DDX27: variants seen among roughly 807,000 people sequenced by gnomAD.
The protein encoded by DDX27 is probable ATP-dependent RNA helicase DDX27.
A neutral mutation model predicts 99.3 loss-of-function variants in DDX27; 42 were observed. The observed-to-expected ratio is 0.42, with a 90% CI of 0.33 to 0.55. The LOEUF (loss-of-function observed/expected upper bound fraction) is 0.55, where lower values mean the gene tolerates loss of function less well. Ranked by LOEUF, DDX27 falls within the 20% of genes least tolerant of loss-of-function variation. DDX27 has a pLI of 0.07. For missense variants in DDX27, 798 were observed against 976.8 expected (o/e 0.82, Z 2.44); for synonymous variants, 329 against 353.8 (o/e 0.93, Z 0.79).
chr20:49,238,790 T>TTTTA, intron 14 of DDX27, 159 bp from the exon 15 acceptor site: 1 of 156,556 alleles, frequency 6.4e-6, no homozygotes, highest in Non-Finnish European at 1.1e-5. Flanking sequence ...TTTTTTTTTT[T>TTTTA]GTAGAGACAG....
intron 2 of DDX27, among the ~76,000 whole-genome samples, chr20:49,222,583 C>T (rs55670142): frequency 0.012 from 1,837 of 151,734 alleles, 36 homozygotes; most frequent in African/African-American, 0.042. Context: ...GGCGTGATCT[C>T]GGCTCACTGC....
intron 6 of DDX27, among the ~76,000 whole-genome samples, chr20:49,225,974 C>T (rs1034270412): frequency 6.6e-6 from 1 of 152,160 alleles, no homozygotes; most frequent in African/African-American, 2.4e-5. Context: ...CCTCCTCTTC[C>T]TCAGGGCCCT....
At chr20:49,226,568 GGGTGTT>G in intron 7 of DDX27, 33 bp downstream of exon 7, 1 of 1,547,110 alleles carries the variant, frequency 6.5e-7, no homozygotes, top group Non-Finnish European at 8.9e-7. Flanking sequence ...GTGGGCAGAA[GGGTGTT>G]ACGGCCAGGG....
chr20:49,226,857 CTTTTTTT>C (rs36048579), intron 7 of DDX27, among the ~76,000 whole-genome samples: 5 of 63,460 alleles, frequency 7.9e-5, no homozygotes, highest in East Asian at 4.8e-4. Flanking sequence ...GAGTAAAGGA[CTTTTTTT>C]TTTTTTTTTT....
chr20:49,230,916 G>A (rs1323739963), intron 9 of DDX27: 1 of 152,668 alleles, frequency 6.6e-6, no homozygotes, highest in African/African-American at 2.4e-5. Flanking sequence ...GCATGCTAAG[G>A]TTGCAGGCCC....
chr20:49,224,496 G>A (rs780706655), intron 4 of DDX27, among the ~76,000 whole-genome samples: 1 of 151,650 alleles, frequency 6.6e-6, no homozygotes, highest in Non-Finnish European at 1.5e-5. Context: ...CCAAGTAGCT[G>A]GGACTACAGG....
At chr20:49,226,606 C>A in intron 7 of DDX27, 71 bp downstream of exon 7, 3 of 1,068,690 alleles carry the variant, frequency 2.8e-6, no homozygotes, top group Non-Finnish European at 4.1e-6. Context: ...GTTGACTTAC[C>A]AAAGGCTGGT....
intron 6 of DDX27, among the ~76,000 whole-genome samples, chr20:49,225,831 C>T (rs1050996502): frequency 6.6e-6 from 1 of 152,156 alleles, no homozygotes; most frequent in Admixed American, 6.6e-5. Flanking sequence ...CCCAGTCTCA[C>T]TCTTCTTAGA....
chr20:49,241,683 G>A (rs975384938), intron 16 of DDX27: 1 of 615,594 alleles, frequency 1.6e-6, no homozygotes, highest in African/African-American at 1.9e-5. Context: ...TGGCCATGCT[G>A]ATCCCAAACT....
At chr20:49,223,501 A>G in intron 4 of DDX27, 68 bp downstream of exon 4, 1 of 1,448,296 alleles carries the variant, frequency 6.9e-7, no homozygotes, top group Non-Finnish European at 9.4e-7. Context: ...TTTACTTTGT[A>G]GGGTTTCCTC....
intron 8 of DDX27, 136 bp from the exon 9 acceptor site, chr20:49,230,063 G>T: frequency 1.0e-6 from 1 of 963,174 alleles, no homozygotes; most frequent in Non-Finnish European, 1.5e-6. Flanking sequence ...AAACCCATGT[G>T]CTTGGGCCTT....
chr20:49,225,248 A>G (rs60294733), intron 6 of DDX27, 49 bp downstream of exon 6: 27 of 1,436,684 alleles, frequency 1.9e-5, no homozygotes, highest in African/African-American at 8.4e-5. Flanking sequence ...TGGTCTTGCT[A>G]TGTTGTCCAA....
intron 18 of DDX27, 112 bp from the exon 19 acceptor site, chr20:49,242,482 G>T: frequency 8.7e-7 from 1 of 1,148,216 alleles, no homozygotes; most frequent in South Asian, 1.4e-5. Context: ...AATGAAAATA[G>T]TCTTTGGATG....
chr20:49,233,984 T>C (rs1244798589), intron 11 of DDX27: 1 of 379,194 alleles, frequency 2.6e-6, no homozygotes, highest in Non-Finnish European at 4.9e-6. Context: ...ACCACTGTTC[T>C]CTGTCGCCTG....
At chr20:49,221,672 C>T (rs1447799336) in intron 2 of DDX27, 74 bp downstream of exon 2, 3 of 1,304,860 alleles carry the variant, frequency 2.3e-6, no homozygotes, top group Non-Finnish European at 3.1e-6. Flanking sequence ...GGGCCTAGCC[C>T]TGACCTGACT....
chr20:49,226,313 G>GA (rs1245827317), intron 6 of DDX27, 117 bp from the exon 7 acceptor site: 5 of 660,118 alleles, frequency 7.6e-6, no homozygotes, highest in Non-Finnish European at 1.3e-5. Context: ...AATGTTTGTG[G>GA]AACGAATGAT....
intron 6 of DDX27, among the ~76,000 whole-genome samples, chr20:49,226,174 C>A (rs1718371172): frequency 6.6e-6 from 1 of 152,158 alleles, no homozygotes; most frequent in Non-Finnish European, 1.5e-5. Flanking sequence ...CTCCATATGA[C>A]ATGTGTTTGT....
chr20:49,242,301 G>A (rs1980505901), intron 18 of DDX27, 95 bp downstream of exon 18: 4 of 1,537,182 alleles, frequency 2.6e-6, no homozygotes, highest in Non-Finnish European at 3.5e-6. Context: ...GATGACAGTA[G>A]CCCACATTAT....
At position 49,221,457 on chromosome 20, in the gene DDX27, C is replaced by G. The variant is rs1370749628; in HGVS notation, c.99C>G (p.Pro33=). ...CTGTCTCTTACTCTTCCCAGGGGCC[C>G]ATTGTGCTGGGCAGACGACAAAAAG... ...SDSGDEEEEG[P]IVLGRRQKAL... The change falls in exon 2 of 21, where the codon CCC becomes CCG. Residue 33 remains proline, a synonymous_variant. Coordinates refer to ENST00000618172, the MANE Select transcript of DDX27 (RefSeq NM_017895.8). 2 of 1,613,294 alleles carry G rather than the reference C, an allele frequency of 1.2e-6. No homozygotes were observed. Among genetic ancestry groups the G allele is most frequent in the East Asian group, 2.2e-5 (1 of 44,856 alleles).
Sources: allele counts gnomAD v4.1 joint callset (sites outside exome capture counted in the v4.1 genomes callset), GRCh38; gene constraint gnomAD v4.1.1; transcripts MANE v1.5; gene names NCBI Gene and HGNC (gene_info 2026-07-23, HGNC 2026-07-21).